RNF38: variants seen among roughly 807,000 people sequenced by gnomAD.
The protein encoded by RNF38 is ring finger protein 38.
Under a neutral mutation model 67.2 loss-of-function variants are expected in RNF38, and 15 were observed. The ratio of observed to expected loss-of-function variants is 0.22; its 90% CI spans 0.15 to 0.34. The LOEUF (loss-of-function observed/expected upper bound fraction) is 0.34. RNF38 is among the 10% of genes least tolerant of loss of function. The pLI is 1.00. For missense variants in RNF38, 524 were observed against 639.9 expected, an observed-to-expected ratio of 0.82 and a Z score of 1.95; for synonymous variants, 220 against 218.8, an observed-to-expected ratio of 1.01 and a Z score of -0.05.
At chr9:36,383,531 G>A (rs1025286260) in intron 2 of RNF38, among the ~76,000 whole-genome samples, 1 of 152,172 alleles carries the variant, frequency 6.6e-6, no homozygotes. Flanking sequence ...TTTTAAGGCA[G>A]TTCAGTGAAC....
chr9:36,478,206 C>T (rs1442101647), intron 1 of RNF38, among the ~76,000 whole-genome samples: 1 of 150,912 alleles, frequency 6.6e-6, no homozygotes, highest in East Asian at 2.0e-4. Context: ...AGGCTGAGAC[C>T]ATTCTGGCTA....
upstream of RNF38, chr9:36,401,182 C>G: frequency 1.0e-6 from 1 of 982,574 alleles, no homozygotes. Flanking sequence ...CCCTTTGTTT[C>G]CACCCCGAGG....
intron 9 of RNF38, among the ~76,000 whole-genome samples, chr9:36,346,021 T>A (rs1157105274): frequency 6.6e-6 from 1 of 152,234 alleles, no homozygotes; most frequent in Non-Finnish European, 1.5e-5. Flanking sequence ...CATTAATTCA[T>A]TAAAAATGGC....
intron 2 of RNF38, among the ~76,000 whole-genome samples, chr9:36,408,125 T>C (rs1838227305): frequency 1.3e-5 from 2 of 152,122 alleles, no homozygotes; most frequent in South Asian, 4.1e-4. Context: ...TTTTTAATTT[T>C]TTGAAACCTG....
upstream of RNF38, among the ~76,000 whole-genome samples, chr9:36,401,576 T>C (rs976160362): frequency 6.6e-6 from 1 of 152,122 alleles, no homozygotes; most frequent in Non-Finnish European, 1.5e-5. Flanking sequence ...TGACAGTTGC[T>C]CAGATGTCGC....
At chr9:36,365,501 G>A (rs1294592680) in intron 4 of RNF38, among the ~76,000 whole-genome samples, 1 of 152,038 alleles carries the variant, frequency 6.6e-6, no homozygotes, top group Non-Finnish European at 1.5e-5. Flanking sequence ...TGGAAAGGTG[G>A]AAGCTGCAGT....
At chr9:36,348,518 C>T (rs1032948054) in intron 9 of RNF38, among the ~76,000 whole-genome samples, 3 of 152,048 alleles carry the variant, frequency 2.0e-5, no homozygotes, top group African/African-American at 7.2e-5. Context: ...AAAGTCACTC[C>T]AGTGAACGCA....
Position 36,385,746 on chromosome 9 carries a change from G to T in RNF38, c.162+4721C>A, listed in dbSNP as rs1171109851. 4.6e-5 allele frequency among the ~76,000 whole-genome samples: 7 copies of T among 152,174 alleles called. No individual in the cohort carries two copies. The East Asian group carries it at 1.3e-3, about 29-fold the overall frequency. ...AGTATGCTCAGCAAATTGATGAGGT[G>T]CACCGAAAACTACAATGCCTGCAGC... On this transcript the variant is annotated intron_variant, in intron 2 of 11. Coordinates refer to ENST00000259605, the MANE Select transcript of RNF38 (RefSeq NM_022781.5).
At chr9:36,378,615 T>C (rs1286014423) in intron 2 of RNF38, among the ~76,000 whole-genome samples, 1 of 152,194 alleles carries the variant, frequency 6.6e-6, no homozygotes, top group Non-Finnish European at 1.5e-5. Flanking sequence ...AAAAATTCAC[T>C]ACCTAAAATG....
chr9:36,464,147 G>C (rs529743271), intron 1 of RNF38, among the ~76,000 whole-genome samples: 2 of 151,792 alleles, frequency 1.3e-5, no homozygotes, highest in Non-Finnish European at 2.9e-5. Context: ...CTGGGCGACA[G>C]AGCAAGACTC....
intron 10 of RNF38, among the ~76,000 whole-genome samples, chr9:36,344,549 G>A (rs1490407867): frequency 6.6e-6 from 1 of 152,192 alleles, no homozygotes; most frequent in Admixed American, 6.5e-5. Context: ...TAAGATGACA[G>A]AAATGTTCTA....
intron 1 of RNF38, among the ~76,000 whole-genome samples, chr9:36,477,688 T>TG (rs929450040): frequency 1.6e-4 from 24 of 150,128 alleles, no homozygotes; most frequent in African/African-American, 4.2e-4. Context: ...CCGGGCGTGG[T>TG]GGGGGGCGCC....
chr9:36,400,480 G>A (rs912403662), upstream of RNF38: 38 of 1,013,954 alleles, frequency 3.7e-5, no homozygotes, highest in Non-Finnish European at 4.5e-5. Context: ...ACTCGGGCGC[G>A]GCCCCGCAGG....
At chr9:36,448,189 C>G (rs1303814286) in intron 1 of RNF38, among the ~76,000 whole-genome samples, 1 of 152,198 alleles carries the variant, frequency 6.6e-6, no homozygotes, top group East Asian at 1.9e-4. Flanking sequence ...CCACCCCAAA[C>G]CAACCATATC....
intron 4 of RNF38, among the ~76,000 whole-genome samples, chr9:36,368,351 TTTTC>T (rs1835129093): frequency 6.6e-6 from 1 of 152,194 alleles, no homozygotes; most frequent in African/African-American, 2.4e-5. Context: ...AAATGCAGTC[TTTTC>T]TTTCTTTGGC....
chr9:36,352,405 T>G (rs1376563434), intron 8 of RNF38, among the ~76,000 whole-genome samples: 11 of 152,172 alleles, frequency 7.2e-5, no homozygotes, highest in Non-Finnish European at 1.3e-4. Context: ...TAAATAAATT[T>G]TTCTCCTTTC....
rs954790873 is a variant in RNF38, at chr9:36,372,706, G to A, written c.357-2774C>T. 6.3e-6 allele frequency: 3 copies of A among 477,404 alleles called. No homozygotes were observed. In the East Asian group the frequency reaches 9.5e-5, roughly 15 times the overall value. The allele number at this position is 477,404 out of a possible 1,614,324, so 29.6% of individuals were successfully genotyped here. A position where few individuals can be genotyped will look rare whatever the true frequency, so the allele number is the denominator to read the frequency against. The stretch of plus-strand genomic sequence containing the variant: ...ATACTCTCTACTACTCTTTTGTCTT[G>A]CTATGAACGAGGACCATGATGCTTT... On this transcript the variant is annotated intron_variant, in intron 3 of 11. Transcript: ENST00000259605.
chr9:36,394,212 T>G (rs963252172), intron 1 of RNF38, among the ~76,000 whole-genome samples: 3 of 151,704 alleles, frequency 2.0e-5, no homozygotes, highest in Non-Finnish European at 4.4e-5. Context: ...GAGGTGGAGG[T>G]TGCAGTGAGC....
Position 36,390,523 on chromosome 9 carries a change from G to C in RNF38, c.106C>G (p.Pro36Ala). Residue 36 changes from proline (P) to alanine (A), a missense_variant, in exon 2 of 12, where the codon CCA becomes GCA. Transcript: ENST00000259605. ...TGAACGGTAGTGTTCTGATCACTTG[G>C]GAGGAGAGGGAACAGGCTCTGAAGT... is the stretch of plus-strand genomic sequence containing the variant. ...VRLQSLFPLL[P>A]SDQNTTVQED... The C allele has an allele frequency of 6.2e-7, 1 of 1,614,052 alleles. No individual in the cohort carries two copies. Among genetic ancestry groups the C allele is most frequent in the Non-Finnish European group, 8.5e-7 (1 of 1,179,950 alleles).
Sources: gnomAD v4.1 joint callset for allele counts (sites outside exome capture counted in the v4.1 genomes callset) on GRCh38, gnomAD v4.1.1 for gene constraint, MANE v1.5 for transcripts, NCBI Gene and HGNC (gene_info 2026-07-23, HGNC 2026-07-21) for gene names.